Variants in MRPL48 observed in about 807,000 individuals in gnomAD.
MRPL48 encodes large ribosomal subunit protein mL48.
A neutral mutation model predicts 32.9 loss-of-function variants in MRPL48; 16 were observed. The observed-to-expected ratio is 0.49, with a 90% CI of 0.33 to 0.74. The LOEUF (loss-of-function observed/expected upper bound fraction) is 0.74, where lower values mean the gene tolerates loss of function less well. Among genes scored for constraint, MRPL48 ranks in the 30% least tolerant of loss-of-function variants. The pLI is 0.02. For synonymous variants in MRPL48, 94 were observed against 89.2 expected (o/e 1.05, Z -0.31); for missense variants, 206 against 245.3 (o/e 0.84, Z 1.07).
chr11:73,807,198 A>C (rs563767931), intron 2 of MRPL48, among the ~76,000 whole-genome samples: 105 of 152,190 alleles, frequency 6.9e-4, no homozygotes, highest in Non-Finnish European at 1.3e-3. Context: ...AAGTGTGATG[A>C]AATACATTTG....
intron 3 of MRPL48, among the ~76,000 whole-genome samples, chr11:73,812,743 TA>T (rs1565409696): frequency 1.2e-4 from 16 of 138,224 alleles, no homozygotes; most frequent in African/African-American, 4.2e-4. Context: ...TATATATATT[TA>T]TTTATTTATT....
chr11:73,794,558 G>GAA (rs202160777), intron 1 of MRPL48, among the ~76,000 whole-genome samples: 31 of 140,884 alleles, frequency 2.2e-4, no homozygotes, highest in East Asian at 4.2e-4. Context: ...TCCATCTCTG[G>GAA]AAAAAAAAAA....
chr11:73,810,566 T>A (rs1005463730), intron 3 of MRPL48, among the ~76,000 whole-genome samples: 2 of 151,992 alleles, frequency 1.3e-5, no homozygotes, highest in Admixed American at 6.6e-5. Context: ...TTTATTTTTT[T>A]TTTTTTATTG....
At chr11:73,802,979 T>G (rs1947385486) in intron 1 of MRPL48, among the ~76,000 whole-genome samples, 1 of 151,958 alleles carries the variant, frequency 6.6e-6, no homozygotes, top group African/African-American at 2.4e-5. Context: ...TTGTAGGCAT[T>G]AGCCACTACA....
At chr11:73,863,339 G>C (rs1948616962) in intron 7 of MRPL48, 78 bp downstream of exon 7, 1 of 1,220,976 alleles carries the variant, frequency 8.2e-7, no homozygotes, top group Non-Finnish European at 1.2e-6. Context: ...GGACTTCCTG[G>C]CTTTAGAAAG....
intron 5 of MRPL48, among the ~76,000 whole-genome samples, chr11:73,849,770 G>A (rs908715122): frequency 2.0e-5 from 3 of 152,168 alleles, no homozygotes; most frequent in African/African-American, 7.2e-5. Context: ...TGATTGTTGA[G>A]TCAAATAGTA....
intron 1 of MRPL48, among the ~76,000 whole-genome samples, chr11:73,788,815 T>G (rs1947097860): frequency 6.6e-6 from 1 of 152,226 alleles, no homozygotes; most frequent in African/African-American, 2.4e-5. Context: ...TTTAAGTGAC[T>G]GTCATAAAAC....
intron 4 of MRPL48, among the ~76,000 whole-genome samples, chr11:73,827,968 T>C (rs1043473770): frequency 2.0e-5 from 3 of 152,188 alleles, no homozygotes; most frequent in Admixed American, 6.6e-5. Context: ...TAAGTCAACC[T>C]TCCCCGTCTA....
intron 5 of MRPL48, among the ~76,000 whole-genome samples, chr11:73,853,647 T>C (rs1202260531): frequency 6.6e-6 from 1 of 150,688 alleles, no homozygotes; most frequent in East Asian, 1.9e-4. Flanking sequence ...ATTAAGAACT[T>C]TTTTTTCAGC....
intron 4 of MRPL48, among the ~76,000 whole-genome samples, chr11:73,843,553 C>G (rs1948231332): frequency 6.6e-6 from 1 of 152,098 alleles, no homozygotes; most frequent in African/African-American, 2.4e-5. Flanking sequence ...GCAGCCTACA[C>G]AAGTTGATAT....
At chr11:73,827,717 C>T (rs1365032233) in intron 4 of MRPL48, among the ~76,000 whole-genome samples, 1 of 152,172 alleles carries the variant, frequency 6.6e-6, no homozygotes, top group African/African-American at 2.4e-5. Context: ...AGGTCCAATT[C>T]CACTGAATTT....
intron 2 of MRPL48, among the ~76,000 whole-genome samples, chr11:73,805,932 C>A (rs2134963744): frequency 6.6e-6 from 1 of 152,236 alleles, no homozygotes; most frequent in South Asian, 2.1e-4. Flanking sequence ...AGGCATGAGC[C>A]ACTGTGCCAG....
chr11:73,809,762 A>C (rs1251976387), intron 3 of MRPL48, among the ~76,000 whole-genome samples: 1 of 152,214 alleles, frequency 6.6e-6, no homozygotes, highest in Non-Finnish European at 1.5e-5. Flanking sequence ...GATTTTAATG[A>C]CGTTTGTCAT....
chr11:73,830,968 T>C (rs974091830), intron 4 of MRPL48, among the ~76,000 whole-genome samples: 3 of 151,824 alleles, frequency 2.0e-5, no homozygotes, highest in Non-Finnish European at 4.4e-5. Flanking sequence ...GCCTCCTGAG[T>C]AGCTGGGATT....
chr11:73,837,586 AAAAC>A (rs1565102679), intron 4 of MRPL48, among the ~76,000 whole-genome samples: 1 of 152,188 alleles, frequency 6.6e-6, no homozygotes, highest in East Asian at 1.9e-4. Context: ...ATTTGTGTAC[AAAAC>A]TTGTTTCATA....
At chr11:73,810,564 T>A (rs886990383) in intron 3 of MRPL48, among the ~76,000 whole-genome samples, 29 of 152,098 alleles carry the variant, frequency 1.9e-4, no homozygotes, top group Non-Finnish European at 3.1e-4. Context: ...TCTTTATTTT[T>A]TTTTTTTTAT....
intron 3 of MRPL48, among the ~76,000 whole-genome samples, chr11:73,812,717 A>AATATATATAT (rs370608269): frequency 0.017 from 2,263 of 135,420 alleles, 59 homozygotes; most frequent in African/African-American, 0.061. Context: ...CCCATGTCTA[A>AATATATATAT]ATATATATAT....
intron 4 of MRPL48, among the ~76,000 whole-genome samples, chr11:73,835,921 C>T (rs941377742): frequency 1.3e-5 from 2 of 151,784 alleles, no homozygotes; most frequent in South Asian, 2.1e-4. Flanking sequence ...TTTTAAAATG[C>T]CATTTATTTA....
chr11:73,811,540 C>A (rs1414888655), intron 3 of MRPL48, among the ~76,000 whole-genome samples: 1 of 151,864 alleles, frequency 6.6e-6, no homozygotes, highest in Non-Finnish European at 1.5e-5. Flanking sequence ...CAAATAAACC[C>A]AGAATTGGCA....
Sources: allele counts gnomAD v4.1 joint callset (sites outside exome capture counted in the v4.1 genomes callset), GRCh38; gene constraint gnomAD v4.1.1; transcripts MANE v1.5; gene names NCBI Gene and HGNC (gene_info 2026-07-23, HGNC 2026-07-21).